STARD10: variants seen among roughly 807,000 people sequenced by gnomAD.
The protein encoded by STARD10 is START domain-containing protein 10.
STARD10 carries 24 observed loss-of-function variants against 36.0 expected under a neutral mutation model. The ratio of observed to expected loss-of-function variants is 0.67; its 90% confidence interval spans 0.48 to 0.94. STARD10 has a LOEUF of 0.94. Among genes scored for constraint, STARD10 ranks in the 40% least tolerant of loss-of-function variants. The probability of loss-of-function intolerance (pLI) is 0.00; values close to 1 mark genes in which losing one functional copy is unlikely to be tolerated. For missense variants in STARD10, 335 were observed against 396.6 expected (o/e 0.84, Z 1.32); for synonymous variants, 156 against 161.9 (o/e 0.96, Z 0.28).
intron 5 of STARD10, among the ~76,000 whole-genome samples, chr11:72,756,361 C>T (rs1017396705): frequency 6.6e-6 from 1 of 152,138 alleles, no homozygotes. Flanking sequence ...ATGCTCAAGG[C>T]TTCCCCATCC....
rs903594836 is a variant in STARD10 at position 72,793,858 on chromosome 11, G to A, written c.-1097C>T. The stretch of plus-strand genomic sequence containing the variant: ...GTGGTTGTGGCCGCTCTGTCACCAC[G>A]GCTCCCGGGGCCTCTGTCGGCTCCA... On this transcript the variant is annotated 5_prime_UTR_variant, in exon 1 of 7. Transcript: ENST00000334805. 4 of 152,248 alleles carry A rather than the reference G, an allele frequency of 2.6e-5. No individual in the cohort carries two copies. The highest frequency in any genetic ancestry group is 9.6e-5 in the African/African-American group (4 of 41,472). 9.4% of individuals were successfully genotyped at this position (152,248 alleles called of 1,614,324 possible).
intron 5 of STARD10, among the ~76,000 whole-genome samples, chr11:72,756,739 G>A (rs678639): frequency 0.026 from 3,939 of 152,142 alleles, 160 homozygotes; most frequent in African/African-American, 0.09. Context: ...GTCATGAGGA[G>A]ATAAGTGTTT....
chr11:72,761,917 C>CTTTTTTTTTTTTTTTTTTTTT lies in STARD10; in HGVS notation c.208-2557_208-2537dup, dbSNP rs1189000490. ...TCTGTATTTCTTTTTCTTTTCTTTTCTTTTTTTTTTTTTTTTTTTTTTTTT... is the reference window on the plus strand; with the variant it reads ...TCTGTATTTCTTTTTCTTTTCTTTTCTTTTTTTTTTTTTTTTTTTTTTTTTTTTTTTTTTTTTTTTTTTTTT... On this transcript the variant is annotated intron_variant, in intron 2 of 6. Transcript: ENST00000334805. 6.9e-4 allele frequency among the ~76,000 whole-genome samples: 26 copies of CTTTTTTTTTTTTTTTTTTTTT among 37,478 alleles called. 1 individual carries two copies. The highest frequency in any genetic ancestry group is 9.8e-4 in the African/African-American group (8 of 8,186). 24.6% of individuals were successfully genotyped at this position (37,478 alleles called of 152,430 possible).
intron 2 of STARD10, among the ~76,000 whole-genome samples, chr11:72,773,901 T>C (rs1158245504): frequency 1.3e-5 from 2 of 152,244 alleles, no homozygotes; most frequent in African/African-American, 4.8e-5. Flanking sequence ...TTCCTAGATA[T>C]GACACAATCC....
At chr11:72,760,875 A>G (rs187798805) in intron 2 of STARD10, among the ~76,000 whole-genome samples, 85 of 152,172 alleles carry the variant, frequency 5.6e-4, no homozygotes, top group Non-Finnish European at 1.1e-3. Flanking sequence ...CCTCTCAGCA[A>G]ATGGACAAGT....
At chr11:72,768,797 C>T (rs1200524405) in intron 2 of STARD10, among the ~76,000 whole-genome samples, 1 of 152,222 alleles carries the variant, frequency 6.6e-6, no homozygotes, top group Non-Finnish European at 1.5e-5. Context: ...AATGCTGTGG[C>T]CCCTTGCTCA....
At chr11:72,787,473 G>C (rs1005705049) in intron 1 of STARD10, among the ~76,000 whole-genome samples, 18 of 152,236 alleles carry the variant, frequency 1.2e-4, no homozygotes, top group African/African-American at 4.1e-4. Context: ...GAGAGGGCCA[G>C]AGGCTTGTCC....
At chr11:72,763,304 G>A (rs563150763) in intron 2 of STARD10, among the ~76,000 whole-genome samples, 40 of 152,204 alleles carry the variant, frequency 2.6e-4, no homozygotes, top group Non-Finnish European at 5.6e-4. Context: ...GTTTGATGAG[G>A]AATGGGGGAT....
At chr11:72,756,514 A>G (rs996735923) in intron 5 of STARD10, among the ~76,000 whole-genome samples, 6 of 152,020 alleles carry the variant, frequency 3.9e-5, no homozygotes, top group African/African-American at 1.4e-4. Context: ...TGGACTACAG[A>G]ACAGGGAGCC....
chr11:72,764,322 G>T (rs1224628582), intron 2 of STARD10, among the ~76,000 whole-genome samples: 2 of 152,244 alleles, frequency 1.3e-5, no homozygotes, highest in Admixed American at 6.5e-5. Flanking sequence ...CCACCTCTGG[G>T]ACAGAGGACA....
intron 1 of STARD10, among the ~76,000 whole-genome samples, chr11:72,787,569 G>T (rs1017081808): frequency 1.3e-5 from 2 of 152,270 alleles, no homozygotes; most frequent in African/African-American, 4.8e-5. Context: ...CGCTCTGCCT[G>T]CTGGGTCCTC....
chr11:72,754,805 A>T lies in STARD10; in HGVS notation c.*92T>A. The T allele has an allele frequency of 6.6e-7, 1 of 1,506,284 alleles. No individual in the cohort carries two copies. Among genetic ancestry groups the T allele is most frequent in the Non-Finnish European group, 8.9e-7 (1 of 1,123,510 alleles). 93.3% of individuals were successfully genotyped at this position (1,506,284 alleles called of 1,614,324 possible). On this transcript the variant is annotated 3_prime_UTR_variant, in exon 7 of 7. Transcript: ENST00000334805. ...CGCCTGGGCCTGGCCCGGTGCCACC[A>T]GGTGCCGGGTGGGGGAGGGGAGAAA...
intron 2 of STARD10, among the ~76,000 whole-genome samples, chr11:72,773,354 T>C (rs1858888675): frequency 6.6e-6 from 1 of 152,108 alleles, no homozygotes; most frequent in Non-Finnish European, 1.5e-5. Flanking sequence ...CTGGGGCCCC[T>C]GGAGGCAGGA....
intron 1 of STARD10, among the ~76,000 whole-genome samples, chr11:72,789,739 G>A (rs1859117949): frequency 6.6e-6 from 1 of 152,130 alleles, no homozygotes; most frequent in South Asian, 2.1e-4. Context: ...CTGGGTCAAG[G>A]TTCACCCTAG....
In STARD10 at chr11:72,784,930, A is replaced by C. The variant is rs577235889; in HGVS notation, c.-113-3636T>G. On this transcript the variant is annotated intron_variant, in intron 1 of 6. Coordinates refer to ENST00000334805, the MANE Select transcript of STARD10 (RefSeq NM_006645.3). Reference sequence around the variant, plus strand: ...CACACGTGCCCCTCGCAGACAGAGCAGCTGAGGTTGTGGGGGGCACGGGGC... The same window carrying C: ...CACACGTGCCCCTCGCAGACAGAGCCGCTGAGGTTGTGGGGGGCACGGGGC... 3.3e-5 allele frequency among the ~76,000 whole-genome samples: 5 copies of C among 152,402 alleles called. No homozygotes were observed. In the South Asian group the frequency reaches 1.0e-3, roughly 32 times the overall value.
At chr11:72,787,690 A>G (rs1859091890) in intron 1 of STARD10, among the ~76,000 whole-genome samples, 2 of 152,184 alleles carry the variant, frequency 1.3e-5, no homozygotes, top group African/African-American at 2.4e-5. Flanking sequence ...CGCCTGATCC[A>G]TCTGCCTGAC....
chr11:72,764,392 C>T (rs1460182155), intron 2 of STARD10, among the ~76,000 whole-genome samples: 1 of 152,266 alleles, frequency 6.6e-6, no homozygotes, highest in Non-Finnish European at 1.5e-5. Context: ...CTCTGAGTAG[C>T]ACTTTATCTC....
intron 1 of STARD10, among the ~76,000 whole-genome samples, chr11:72,787,999 T>C (rs1591273879): frequency 6.6e-6 from 1 of 150,990 alleles, no homozygotes; most frequent in Admixed American, 6.6e-5. Context: ...ATAGGAGAGG[T>C]TTGGGGGGGG....
chr11:72,768,063 C>G (rs1471960686), intron 2 of STARD10, among the ~76,000 whole-genome samples: 1 of 152,186 alleles, frequency 6.6e-6, no homozygotes, highest in Non-Finnish European at 1.5e-5. Context: ...ATGCCAAGAT[C>G]CCTCCACAGC....
Sources: gnomAD v4.1 joint callset for allele counts (sites outside exome capture counted in the v4.1 genomes callset) on GRCh38, gnomAD v4.1.1 for gene constraint, MANE v1.5 for transcripts, NCBI Gene and HGNC (gene_info 2026-07-23, HGNC 2026-07-21) for gene names.